Variants in CYP3A5 observed in about 807,000 individuals in gnomAD.
The protein encoded by CYP3A5 is cytochrome P450 3A5.
A neutral mutation model predicts 55.9 loss-of-function variants in CYP3A5; 51 were observed. The ratio of observed to expected loss-of-function variants is 0.91; its 90% CI spans 0.73 to 1.15. The LOEUF is 1.15. Ranked by LOEUF, CYP3A5 falls within the 50% of genes most tolerant of loss-of-function variation. The pLI is 0.00. For synonymous variants in CYP3A5, 196 were observed against 213.9 expected (o/e 0.92, Z 0.73); for missense variants, 533 against 596.6 (o/e 0.89, Z 1.11).
chr7:99,665,571 T>C (rs573261017), intron 6 of CYP3A5, among the ~76,000 whole-genome samples: 1 of 152,322 alleles, frequency 6.6e-6, no homozygotes, highest in Non-Finnish European at 1.5e-5. Context: ...AGCCCAGTCA[T>C]AGGAAGACAG....
intron 11 of CYP3A5, 134 bp downstream of exon 11, chr7:99,652,419 T>A (rs988221661): frequency 1.3e-5 from 8 of 631,360 alleles, no homozygotes; most frequent in Non-Finnish European, 2.1e-5. Flanking sequence ...TTGATAATTA[T>A]CACTTTTTTG....
chr7:99,672,590 G>A lies in CYP3A5; in HGVS notation c.308C>T (p.Thr103Ile), dbSNP rs761882111. Reference protein sequence around the residue: ...VLVKECYSVFTNRRSLGPVGF... With the variant: ...VLVKECYSVFINRRSLGPVGF... ...AAAATGGATGCTTACCCTTCGATTT[G>A]TGAAGACAGAATAACATTCTTTCAC... Residue 103 changes from threonine (T) to isoleucine (I), a missense_variant, in exon 4 of 13, where the codon ACA (threonine) becomes ATA (isoleucine). Thr to Ile is a moderately conservative substitution (Grantham distance 89). Transcript: ENST00000222982. 6.2e-7 allele frequency: 1 copy of A among 1,613,150 alleles called. No individual in the cohort carries two copies. The highest frequency in any genetic ancestry group is 1.7e-5 in the Admixed American group (1 of 59,976).
chr7:99,658,422 T>G (rs1336417739), intron 10 of CYP3A5, among the ~76,000 whole-genome samples: 1 of 152,212 alleles, frequency 6.6e-6, no homozygotes, highest in Non-Finnish European at 1.5e-5. Flanking sequence ...CACTCTCTAC[T>G]GGCTTGTAGA....
chr7:99,648,932 T>C (rs1808883917), intron 12 of CYP3A5, among the ~76,000 whole-genome samples: 1 of 152,206 alleles, frequency 6.6e-6, no homozygotes, highest in South Asian at 2.1e-4. Context: ...TCTTTTCTTT[T>C]TAACATCTCC....
chr7:99,662,299 A>G lies in CYP3A5; in HGVS notation c.865+517T>C, dbSNP rs1048630037. Among the ~76,000 whole-genome samples, 7 of 152,246 alleles carry G rather than the reference A, an allele frequency of 4.6e-5. No homozygotes were observed. Among genetic ancestry groups the G allele is most frequent in the Non-Finnish European group, 1.0e-4 (7 of 68,044 alleles). On this transcript the variant is annotated intron_variant, in intron 9 of 12. Coordinates refer to ENST00000222982, the MANE Select transcript of CYP3A5 (RefSeq NM_000777.5). The surrounding 1 kb of genome is among the most constrained non-coding windows in gnomAD (Gnocchi z 4.3). ...GTTAAAACCATCCATGGGTCATAAA[A>G]CTAGTAGATACAAGACTGAAGATTG...
At chr7:99,666,314 GT>G (rs1227185100) in intron 6 of CYP3A5, among the ~76,000 whole-genome samples, 2 of 152,244 alleles carry the variant, frequency 1.3e-5, no homozygotes, top group African/African-American at 2.4e-5. Context: ...ATACAATCAT[GT>G]TTTTTTAATT....
rs1243651972 is a variant in CYP3A5 at position 99,653,612 on chromosome 7, C to G, written c.1027-833G>C. Reference sequence around the variant, plus strand: ...AGAGAATAGAACCCCACACTCAGCCCCATCCCCTCCTTTTGGAATAGTTTC... The same window carrying G: ...AGAGAATAGAACCCCACACTCAGCCGCATCCCCTCCTTTTGGAATAGTTTC... On this transcript the variant is annotated intron_variant, in intron 10 of 12. Transcript: ENST00000222982. This position sits in a 1 kb window ranked among gnomAD's most constrained non-coding sequence, Gnocchi z 4.2. Among the ~76,000 whole-genome samples, 1 of 152,104 alleles carries G rather than the reference C, an allele frequency of 6.6e-6. No homozygotes were observed. The highest frequency in any genetic ancestry group is 1.5e-5 in the Non-Finnish European group (1 of 68,032).
chr7:99,660,214 CTTTTTTTTTTTTTTTT>C (rs34318418), intron 10 of CYP3A5: 36 of 429,908 alleles, frequency 8.4e-5, no homozygotes, highest in African/African-American at 1.4e-4. Flanking sequence ...CGCCACACTC[CTTTTTTTTTTTTTTTT>C]TTTTTTTTTT....
At position 99,665,191 on chromosome 7, in the gene CYP3A5, G is replaced by A. The variant is rs1810879926; in HGVS notation, c.645C>T (p.Phe215=). 1 of 1,613,544 alleles carries A rather than the reference G, an allele frequency of 6.2e-7. No homozygotes were observed. Among genetic ancestry groups the A allele is most frequent in the African/African-American group, 1.3e-5 (1 of 74,888 alleles). Residue 215 remains phenylalanine (F), a synonymous_variant, in exon 7 of 13, where the codon TTC becomes TTT. Coordinates refer to ENST00000222982, the MANE Select transcript of CYP3A5 (RefSeq NM_000777.5). ...TTATTGAGAGAAATAATGGATCTAA[G>A]AAACCAAATTTTAGGAACTTCTTAG... ...ESTKKFLKFG[F]LDPLFLSIIL...
At chr7:99,661,935 G>A (rs369996300) in intron 9 of CYP3A5, among the ~76,000 whole-genome samples, 2 of 152,284 alleles carry the variant, frequency 1.3e-5, no homozygotes, top group East Asian at 3.9e-4. Context: ...CAGTGGCATT[G>A]GCCACATGTC....
Position 99,672,584 on chromosome 7 carries a change from C to T in CYP3A5, c.314G>A (p.Arg105Gln), listed in dbSNP as rs768977839. The change falls in exon 4 of 13, where the codon CGA (arginine) becomes CAA (glutamine). Residue 105 changes from arginine to glutamine, a missense_variant. By Grantham distance (43) the Arg-to-Gln change is conservative. Coordinates refer to ENST00000222982, the MANE Select transcript of CYP3A5 (RefSeq NM_000777.5). Reference protein sequence around the residue: ...VKECYSVFTNRRSLGPVGFMK... With the variant: ...VKECYSVFTNQRSLGPVGFMK... ...TTTCAAAAAATGGATGCTTACCCTT[C>T]GATTTGTGAAGACAGAATAACATTC... is the stretch of plus-strand genomic sequence containing the variant. 7 of 1,612,998 alleles carry T rather than the reference C, an allele frequency of 4.3e-6. No individual in the cohort carries two copies. The highest frequency in any genetic ancestry group is 4.5e-5 in the East Asian group (2 of 44,878).
At chr7:99,674,446 A>T in intron 3 of CYP3A5, 87 bp downstream of exon 3, 1 of 1,018,560 alleles carries the variant, frequency 9.8e-7, no homozygotes, top group Non-Finnish European at 1.5e-6. Flanking sequence ...GCTTCATCCC[A>T]TGAAGACCTG....
intron 11 of CYP3A5, among the ~76,000 whole-genome samples, chr7:99,650,596 C>G (rs1809076424): frequency 1.3e-5 from 2 of 152,244 alleles, no homozygotes; most frequent in South Asian, 4.1e-4. Context: ...TCAACTCACA[C>G]TTGTGTTGGT....
At chr7:99,675,505 C>G (rs1812127211) in intron 2 of CYP3A5, among the ~76,000 whole-genome samples, 1 of 151,806 alleles carries the variant, frequency 6.6e-6, no homozygotes, top group Admixed American at 6.6e-5. Flanking sequence ...GGCTGGAGAG[C>G]AGCTTGCTGC....
intron 8 of CYP3A5, 27 bp downstream of exon 8, chr7:99,663,941 C>G: frequency 6.4e-7 from 1 of 1,560,226 alleles, no homozygotes; most frequent in South Asian, 1.2e-5. Context: ...ACCTAAACAT[C>G]GTCATTTAAC....
chr7:99,672,569 TG>T lies in CYP3A5; in HGVS notation c.318+10del. On this transcript the variant is annotated intron_variant, in intron 4 of 12. Coordinates refer to ENST00000222982, the MANE Select transcript of CYP3A5 (RefSeq NM_000777.5). ...CAATCATTATTTAAATTTCAAAAAATGGATGCTTACCCTTCGATTTGTGAAG... is the reference window on the plus strand; with the variant it reads ...CAATCATTATTTAAATTTCAAAAAATGATGCTTACCCTTCGATTTGTGAAG... 6.2e-7 allele frequency: 1 copy of T among 1,605,720 alleles called. No homozygotes were observed. The highest frequency in any genetic ancestry group is 8.5e-7 in the Non-Finnish European group (1 of 1,172,712).
chr7:99,659,134 C>G (rs1810107274), intron 10 of CYP3A5: 1 of 152,236 alleles, frequency 6.6e-6, no homozygotes, highest in East Asian at 1.9e-4. Context: ...AGCTGCGTTC[C>G]TTTGGAGGAG....
chr7:99,660,583 A>G lies in CYP3A5; in HGVS notation c.942T>C (p.Leu314=). The G allele has an allele frequency of 6.2e-7, 1 of 1,614,024 alleles. No individual in the cohort carries two copies. The highest frequency in any genetic ancestry group is 8.5e-7 in the Non-Finnish European group (1 of 1,179,984). ...TGGCCAGTTCATATAAAGTGAAGGA[A>G]AGAACACTGCTGGTGGTTTCATAGC... The part of the protein sequence containing the change: ...FAGYETTSSV[L]SFTLYELATH... Residue 314 remains leucine (L), a synonymous_variant, in exon 10 of 13, where the codon CTT becomes CTC. Transcript: ENST00000222982.
Position 99,662,867 on chromosome 7 carries a change from G to A in CYP3A5, c.814C>T (p.Leu272Phe). The part of the protein sequence containing the change: ...NDKQKHRLDF[L>F]QLMIDSQNSK... ...TTCTGGGAGTCAATCATCAGCTGAA[G>A]GAAATCTAGTCGGTGCTAGAAGCAA... Residue 272 changes from leucine (L) to phenylalanine (F), a missense_variant, in exon 9 of 13, where the codon CTT (leucine) becomes TTT (phenylalanine). Leu to Phe is a conservative substitution (Grantham distance 22). Transcript: ENST00000222982. The surrounding 1 kb of genome is among the most constrained non-coding windows in gnomAD (Gnocchi z 4.3). The A allele has an allele frequency of 6.2e-7, 1 of 1,613,882 alleles. No individual in the cohort carries two copies. Among genetic ancestry groups the A allele is most frequent in the Non-Finnish European group, 8.5e-7 (1 of 1,179,876 alleles).
Sources: allele counts gnomAD v4.1 joint callset (sites outside exome capture counted in the v4.1 genomes callset), GRCh38; gene constraint gnomAD v4.1.1; non-coding constraint Gnocchi (gnomAD v3.1); transcripts MANE v1.5; gene names NCBI Gene and HGNC (gene_info 2026-07-23, HGNC 2026-07-21).